Variants in TLL1 observed in about 807,000 individuals in gnomAD.
TLL1 encodes the protein tolloid-like protein 1.
TLL1 carries 49 observed loss-of-function variants against 128.2 expected under a neutral mutation model. The ratio of observed to expected loss-of-function variants is 0.38; its 90% CI spans 0.30 to 0.48. The LOEUF is 0.48. TLL1 is among the 20% of genes least tolerant of loss of function. TLL1 has a pLI of 0.96. For missense variants in TLL1, 1,123 were observed against 1,242.0 expected, an observed-to-expected ratio of 0.90 and a Z score of 1.44; for synonymous variants, 454 against 418.8, an observed-to-expected ratio of 1.08 and a Z score of -1.03.
chr4:165,964,658 C>T (rs979771790), intron 1 of TLL1, among the ~76,000 whole-genome samples: 1 of 152,158 alleles, frequency 6.6e-6, no homozygotes, highest in Non-Finnish European at 1.5e-5. Flanking sequence ...TGTGACAACT[C>T]ATACCTATAA....
At chr4:166,055,941 A>C (rs938064462) in intron 13 of TLL1, among the ~76,000 whole-genome samples, 1 of 152,070 alleles carries the variant, frequency 6.6e-6, no homozygotes, top group Admixed American at 6.6e-5. Context: ...AGAAAACAAA[A>C]TTTTCCTCCA....
intron 1 of TLL1, among the ~76,000 whole-genome samples, chr4:165,880,889 T>C (rs1730940497): frequency 2.0e-5 from 3 of 152,214 alleles, no homozygotes; most frequent in Admixed American, 1.3e-4. Context: ...GGGTTGCTGC[T>C]GTAAGTGTCT....
intron 1 of TLL1, among the ~76,000 whole-genome samples, chr4:165,963,478 T>C (rs182548394): frequency 3.3e-5 from 5 of 150,822 alleles, no homozygotes. Context: ...TTTTCATATA[T>C]CATTTTTTTC....
chr4:166,039,527 A>T (rs1739151293), intron 10 of TLL1, 86 bp downstream of exon 10: 2 of 942,358 alleles, frequency 2.1e-6, no homozygotes, highest in Non-Finnish European at 3.4e-6. Context: ...GAGTCATCGT[A>T]GAGTTAAAAA....
At chr4:166,067,164 C>T (rs970107743) in intron 16 of TLL1, among the ~76,000 whole-genome samples, 2 of 151,708 alleles carry the variant, frequency 1.3e-5, no homozygotes, top group African/African-American at 2.4e-5. Flanking sequence ...CAAACCTGCA[C>T]ACATCCCACA....
chr4:166,082,814 A>T (rs1164597428), intron 18 of TLL1, among the ~76,000 whole-genome samples: 5 of 152,042 alleles, frequency 3.3e-5, no homozygotes, highest in African/African-American at 1.2e-4. Flanking sequence ...AGTAGCTGGA[A>T]TTACAGGCGC....
At chr4:165,931,233 TA>T in intron 1 of TLL1, among the ~76,000 whole-genome samples, 1 of 152,290 alleles carries the variant, frequency 6.6e-6, no homozygotes, top group South Asian at 2.1e-4. Context: ...ATTAAAGCAT[TA>T]AAAATGATAG....
chr4:166,041,302 TTC>T (rs202122933), intron 10 of TLL1, among the ~76,000 whole-genome samples: 19,663 of 110,820 alleles, frequency 0.18, 1,293 homozygotes, highest in South Asian at 0.23. Flanking sequence ...CTTTCTTTCT[TTC>T]TTTTTTTTTT....
chr4:166,012,919 A>T (rs761972371), intron 7 of TLL1, among the ~76,000 whole-genome samples: 1 of 151,732 alleles, frequency 6.6e-6, no homozygotes, highest in Non-Finnish European at 1.5e-5. Flanking sequence ...TAGGGCAGTT[A>T]GTAATAAAAT....
rs1378246309 is a variant in TLL1, at chr4:165,898,678, GC to G, written c.169+24607del. On this transcript the variant is annotated intron_variant, in intron 1 of 20. Coordinates refer to ENST00000061240, the MANE Select transcript of TLL1 (RefSeq NM_012464.5). ...GCATTGATGTTCATCAGGGATATTG[GC>G]CTGAATTTTTCCATTTTTTTGTGTC... 8.5e-5 allele frequency among the ~76,000 whole-genome samples: 13 copies of G among 152,228 alleles called. No homozygotes were observed. The East Asian group carries it at 1.7e-3, about 20-fold the overall frequency.
At chr4:165,875,908 G>GA (rs67494792) in intron 1 of TLL1, among the ~76,000 whole-genome samples, 2,718 of 146,026 alleles carry the variant, frequency 0.019, 67 homozygotes, top group African/African-American at 0.06. Flanking sequence ...TCTAGGCAAG[G>GA]AAAAAAAAAA....
At chr4:166,001,737 C>T (rs1737169134) in intron 5 of TLL1, among the ~76,000 whole-genome samples, 1 of 150,104 alleles carries the variant, frequency 6.7e-6, no homozygotes, top group African/African-American at 2.5e-5. Context: ...GCAAAGTTTG[C>T]AGTGGGCCGA....
intron 1 of TLL1, among the ~76,000 whole-genome samples, chr4:165,949,555 C>A (rs963453115): frequency 6.6e-6 from 1 of 152,082 alleles, no homozygotes; most frequent in Non-Finnish European, 1.5e-5. Flanking sequence ...AAGACATACC[C>A]GAGACTGAGC....
intron 15 of TLL1, among the ~76,000 whole-genome samples, chr4:166,062,571 A>G (rs1224771410): frequency 6.6e-6 from 1 of 152,172 alleles, no homozygotes; most frequent in Non-Finnish European, 1.5e-5. Context: ...TTGATTTTGT[A>G]TTCTGAGACT....
chr4:166,100,905 A>T lies in TLL1; in HGVS notation c.*29A>T. 1 of 1,611,012 alleles carries T rather than the reference A, an allele frequency of 6.2e-7. No individual in the cohort carries two copies. The highest frequency in any genetic ancestry group is 8.5e-7 in the Non-Finnish European group (1 of 1,178,290). ...CAAAACCTCTGTCAGAACACAAAGG[A>T]ATGTGCATAATGGAGAGAAGACATA... On this transcript the variant is annotated 3_prime_UTR_variant, in exon 21 of 21. Coordinates refer to ENST00000061240, the MANE Select transcript of TLL1 (RefSeq NM_012464.5).
At chr4:166,025,487 C>T in intron 9 of TLL1, 56 bp downstream of exon 9, 1 of 1,320,912 alleles carries the variant, frequency 7.6e-7, no homozygotes. Flanking sequence ...AAAAGTTCAT[C>T]ATCCTTCAAA....
chr4:166,016,126 C>T (rs1049958334), intron 8 of TLL1, among the ~76,000 whole-genome samples: 9 of 151,860 alleles, frequency 5.9e-5, no homozygotes, highest in African/African-American at 7.2e-5. Flanking sequence ...TTCATATTTA[C>T]GTAAATCCCT....
chr4:166,013,877 C>G (rs1386591146), intron 7 of TLL1, among the ~76,000 whole-genome samples: 1 of 151,356 alleles, frequency 6.6e-6, no homozygotes, highest in African/African-American at 2.4e-5. Context: ...TTAAACTGCC[C>G]TAAGTTTTGG....
chr4:165,978,700 C>T (rs189925932), intron 1 of TLL1, among the ~76,000 whole-genome samples: 54 of 152,250 alleles, frequency 3.5e-4, no homozygotes, highest in Middle Eastern at 3.4e-3. Flanking sequence ...TATGTGCATA[C>T]GTTCATTTGT....
Sources: gnomAD v4.1 joint callset for allele counts (sites outside exome capture counted in the v4.1 genomes callset) on GRCh38, gnomAD v4.1.1 for gene constraint, MANE v1.5 for transcripts, NCBI Gene and HGNC (gene_info 2026-07-23, HGNC 2026-07-21) for gene names.